Variants in LRRC69 observed in about 807,000 individuals in gnomAD.
LRRC69 encodes leucine rich repeat containing 69, also known as leucine-rich repeat-containing protein 69.
A neutral mutation model predicts 37.8 loss-of-function variants in LRRC69; 42 were observed. That is an observed-to-expected ratio of 1.11 (90% CI 0.87 to 1.44). The LOEUF is 1.44. LRRC69 is among the 40% of genes most tolerant of loss of function. LRRC69 has a pLI of 0.00. For missense variants in LRRC69, 357 were observed against 401.9 expected, an observed-to-expected ratio of 0.89 and a Z score of 0.96; for synonymous variants, 141 against 143.1, an observed-to-expected ratio of 0.99 and a Z score of 0.11.
intron 5 of LRRC69, among the ~76,000 whole-genome samples, chr8:91,151,433 G>A (rs1423111211): frequency 6.6e-6 from 1 of 151,708 alleles, no homozygotes; most frequent in Non-Finnish European, 1.5e-5. Flanking sequence ...TAGTTTGATT[G>A]CACTGTGGTC....
At chr8:91,190,606 A>G (rs1809477581) in intron 6 of LRRC69, among the ~76,000 whole-genome samples, 1 of 152,166 alleles carries the variant, frequency 6.6e-6, no homozygotes, top group South Asian at 2.1e-4. Context: ...TAGCTTTCCA[A>G]TCAGTAAAAC....
intron 5 of LRRC69, among the ~76,000 whole-genome samples, chr8:91,144,800 T>C (rs909533948): frequency 3.7e-4 from 56 of 152,130 alleles, no homozygotes; most frequent in Non-Finnish European, 1.3e-4. Flanking sequence ...TGTCTGTTAC[T>C]TGTCTAATTC....
At chr8:91,213,571 A>G (rs576639479) in intron 7 of LRRC69, among the ~76,000 whole-genome samples, 3 of 152,346 alleles carry the variant, frequency 2.0e-5, no homozygotes, top group African/African-American at 7.2e-5. Flanking sequence ...TCTGTTCCAA[A>G]TGGTTTAAAA....
chr8:91,111,602 C>A (rs1209362400), intron 1 of LRRC69, among the ~76,000 whole-genome samples: 1 of 151,926 alleles, frequency 6.6e-6, no homozygotes, highest in African/African-American at 2.4e-5. Flanking sequence ...AGCTGAAGGC[C>A]ATTATTCTTA....
chr8:91,123,779 A>G (rs1387864526), intron 1 of LRRC69, among the ~76,000 whole-genome samples: 4 of 151,946 alleles, frequency 2.6e-5, no homozygotes, highest in Admixed American at 1.3e-4. Context: ...ATATTACTAT[A>G]TTTTTGGGAA....
At chr8:91,206,707 T>C in intron 7 of LRRC69, 1 of 1,289,708 alleles carries the variant, frequency 7.8e-7, no homozygotes, top group Non-Finnish European at 1.0e-6. Context: ...TACAACCTAA[T>C]ACAAGCAACA....
At chr8:91,189,622 A>T (rs747261578) in exon 6 of LRRC69, 1 of 1,538,426 alleles carries the variant, frequency 6.5e-7, no homozygotes, top group Admixed American at 2.0e-5. Context: ...TGGAGTCTAC[A>T]GGTGAAGACT....
chr8:91,102,971 T>A, intron 1 of LRRC69, 127 bp downstream of exon 1: 1 of 879,240 alleles, frequency 1.1e-6, no homozygotes, highest in Non-Finnish European at 1.7e-6. Flanking sequence ...GGAGACTTAA[T>A]GTGGAGTGTT....
chr8:91,131,067 A>G (rs1268383396), intron 3 of LRRC69, among the ~76,000 whole-genome samples: 15 of 152,014 alleles, frequency 9.9e-5, no homozygotes, highest in Admixed American at 7.9e-4. Flanking sequence ...TATTCAGACC[A>G]TAGCACTGTC....
chr8:91,112,769 G>A (rs938349175), intron 1 of LRRC69, among the ~76,000 whole-genome samples: 1 of 151,810 alleles, frequency 6.6e-6, no homozygotes, highest in African/African-American at 2.4e-5. Context: ...AACCAAATCA[G>A]AAAATAAATA....
rs937277400 is a variant in LRRC69 at position 91,158,316 on chromosome 8, A to T, written c.651+22577A>T. On this transcript the variant is annotated intron_variant, in intron 5 of 7. Transcript: ENST00000448384. ...GTATTCAATCCCAGAAAGAAACTGGAATTTACCCTTCTGTTTCTAGTTTTT... is the reference window on the plus strand; with the variant it reads ...GTATTCAATCCCAGAAAGAAACTGGTATTTACCCTTCTGTTTCTAGTTTTT... 46 of 1,481,252 alleles carry T rather than the reference A, an allele frequency of 3.1e-5. 1 individual carries two copies. The highest frequency in any genetic ancestry group is 3.9e-5 in the Non-Finnish European group (41 of 1,061,894). 91.8% of individuals were successfully genotyped at this position (1,481,252 alleles called of 1,614,324 possible).
chr8:91,132,511 A>G (rs867852442), intron 3 of LRRC69, among the ~76,000 whole-genome samples: 12 of 152,014 alleles, frequency 7.9e-5, no homozygotes, highest in Middle Eastern at 3.2e-3. Flanking sequence ...AAAACTTGCA[A>G]TATGCTTCAG....
intron 1 of LRRC69, among the ~76,000 whole-genome samples, chr8:91,114,980 A>G (rs762585879): frequency 6.6e-6 from 1 of 152,028 alleles, no homozygotes; most frequent in Admixed American, 6.6e-5. Flanking sequence ...TCATTTATAC[A>G]TGGAATATAA....
At chr8:91,103,353 A>G (rs991197787) in intron 1 of LRRC69, among the ~76,000 whole-genome samples, 3 of 152,094 alleles carry the variant, frequency 2.0e-5, no homozygotes, top group Non-Finnish European at 2.9e-5. Context: ...AGGAGGGGAC[A>G]TTTATTTCTC....
At chr8:91,132,366 T>C (rs1338536140) in intron 3 of LRRC69, among the ~76,000 whole-genome samples, 5 of 152,034 alleles carry the variant, frequency 3.3e-5, no homozygotes, top group Non-Finnish European at 5.9e-5. Flanking sequence ...CACAGGCATG[T>C]AGTTGTGCTT....
intron 7 of LRRC69, among the ~76,000 whole-genome samples, chr8:91,210,562 GACACAC>G (rs35968986): frequency 0.027 from 3,998 of 146,170 alleles, 139 homozygotes; most frequent in African/African-American, 0.082. Context: ...CACACACACA[GACACAC>G]ACACACACAC....
In LRRC69 at chr8:91,200,594, A is replaced by ATT; in HGVS notation, c.754-10_754-9dup. 4 of 1,274,666 alleles carry ATT rather than the reference A, an allele frequency of 3.1e-6. No homozygotes were observed. The highest frequency in any genetic ancestry group is 1.8e-5 in the South Asian group (1 of 55,864). 79.0% of individuals were successfully genotyped at this position (1,274,666 alleles called of 1,614,324 possible). ...TTTTGAAAACAATCTGAGGAACTGT[A>ATT]TTTTTTTTTTCAATTTAGGAAATAA... On this transcript the variant is annotated intron_variant, in intron 6 of 7. Transcript: ENST00000448384.
intron 1 of LRRC69, among the ~76,000 whole-genome samples, chr8:91,118,919 T>C (rs1391005903): frequency 6.6e-6 from 1 of 152,122 alleles, no homozygotes; most frequent in African/African-American, 2.4e-5. Context: ...ACATCAAGTG[T>C]CATCTTCTCA....
In LRRC69 at chr8:91,155,404, T is replaced by C. The variant is rs1043705250; in HGVS notation, c.651+19665T>C. On this transcript the variant is annotated intron_variant, in intron 5 of 7. Transcript: ENST00000448384. ...GCAGAGTGAGATTTTTATACATATA[T>C]ACAATGAGTAATGATTGAATCAGAG... Among the ~76,000 whole-genome samples the C allele has an allele frequency of 2.6e-5, 4 of 151,076 alleles. No homozygotes were observed. In the East Asian group the frequency reaches 7.8e-4, roughly 29 times the overall value.
Sources: allele counts gnomAD v4.1 joint callset (sites outside exome capture counted in the v4.1 genomes callset), GRCh38; gene constraint gnomAD v4.1.1; transcripts MANE v1.5; gene names NCBI Gene and HGNC (gene_info 2026-07-23, HGNC 2026-07-21).